Variants in CDC25A observed in about 807,000 individuals in gnomAD.
The protein encoded by CDC25A is cell division cycle 25A, also known as M-phase inducer phosphatase 1.
CDC25A carries 17 observed loss-of-function variants against 64.6 expected under a neutral mutation model. The observed-to-expected ratio is 0.26, with a 90% CI of 0.18 to 0.39. The LOEUF is 0.39. CDC25A is among the 10% of genes least tolerant of loss of function. The pLI is 1.00. For missense variants in CDC25A, 473 were observed against 654.8 expected (o/e 0.72, Z 3.03); for synonymous variants, 229 against 238.6 (o/e 0.96, Z 0.37).
In CDC25A at chr3:48,188,121, G is replaced by A. The variant is rs1446293165; in HGVS notation, c.-174C>T. 10 of 449,196 alleles carry A rather than the reference G, an allele frequency of 2.2e-5. No homozygotes were observed. The highest frequency in any genetic ancestry group is 1.0e-4 in the African/African-American group (5 of 48,428). 27.8% of individuals were successfully genotyped at this position (449,196 alleles called of 1,614,324 possible). A position where few individuals can be genotyped will look rare whatever the true frequency, so the allele number is the denominator to read the frequency against. ...CCGCGGGCAAGCGGCGCGGCCGGGC[G>A]GGTGTGCGGACCCTCCAGGCGCCAG... On this transcript the variant is annotated 5_prime_UTR_variant, in exon 1 of 15. Coordinates refer to ENST00000302506, the MANE Select transcript of CDC25A (RefSeq NM_001789.3).
intron 13 of CDC25A, among the ~76,000 whole-genome samples, chr3:48,160,164 T>A (rs1180055099): frequency 6.6e-6 from 1 of 152,114 alleles, no homozygotes; most frequent in Non-Finnish European, 1.5e-5. Flanking sequence ...CAGGCTGGAG[T>A]GCAAGGGCGT....
chr3:48,180,586 A>C (rs1302900516), intron 6 of CDC25A, 135 bp downstream of exon 6: 2 of 882,118 alleles, frequency 2.3e-6, no homozygotes, highest in East Asian at 4.9e-5. Flanking sequence ...AGAATGCTTG[A>C]CAGTCTAATT....
rs2032722450 is a variant in CDC25A at position 48,183,033 on chromosome 3, A to T, written c.328-3T>A. The stretch of plus-strand genomic sequence containing the variant: ...GGACTACATCCCAACAGCTTCTGCT[A>T]TCAAAGTAAAAAAGGAAAATAATTA... On this transcript the variant is annotated splice_polypyrimidine_tract_variant and splice_region_variant and intron_variant, in intron 4 of 14. Coordinates refer to ENST00000302506, the MANE Select transcript of CDC25A (RefSeq NM_001789.3). 2 of 1,597,892 alleles carry T rather than the reference A, an allele frequency of 1.3e-6. No homozygotes were observed. Among genetic ancestry groups the T allele is most frequent in the Non-Finnish European group, 1.7e-6 (2 of 1,165,460 alleles).
intron 12 of CDC25A, 35 bp from the exon 13 acceptor site, chr3:48,164,472 G>C: frequency 2.7e-6 from 4 of 1,460,764 alleles, no homozygotes; most frequent in East Asian, 2.6e-5. Flanking sequence ...GAACCTGCAC[G>C]TTTCACACAT....
chr3:48,179,250 C>A (rs940130293), intron 6 of CDC25A, among the ~76,000 whole-genome samples: 1 of 152,114 alleles, frequency 6.6e-6, no homozygotes, highest in African/African-American at 2.4e-5. Flanking sequence ...TATATCACAC[C>A]AACATTTGTG....
intron 8 of CDC25A, among the ~76,000 whole-genome samples, chr3:48,176,654 AAAAC>A (rs1432619134): frequency 1.1e-4 from 16 of 151,158 alleles, no homozygotes; most frequent in Non-Finnish European, 1.6e-4. Context: ...AAAACAAAAC[AAAAC>A]AAACAAACAA....
rs2032902292 is a variant in CDC25A, at chr3:48,187,819, G to A, written c.129C>T (p.Thr43=). ...GCTGGTCCATAGTGACGGTCAGGTT[G>A]GTGACAGGCGACAGTCCCCCGGCGG... is the stretch of plus-strand genomic sequence containing the variant. ...ASAAGGLSPV[T]NLTVTMDQLQ... is the part of the protein sequence containing the mutation. Residue 43 remains threonine (T), a synonymous_variant, in exon 1 of 15, where the codon ACC becomes ACT. Coordinates refer to ENST00000302506, the MANE Select transcript of CDC25A (RefSeq NM_001789.3). 4 of 1,548,762 alleles carry A rather than the reference G, an allele frequency of 2.6e-6. No individual in the cohort carries two copies. Among genetic ancestry groups the A allele is most frequent in the Non-Finnish European group, 3.5e-6 (4 of 1,145,718 alleles).
chr3:48,162,786 TGCAGTAAGTC>T (rs2031832886), intron 13 of CDC25A, among the ~76,000 whole-genome samples: 1 of 150,852 alleles, frequency 6.6e-6, no homozygotes, highest in Admixed American at 6.6e-5. Flanking sequence ...AGGCGGAGCT[TGCAGTAAGTC>T]GAGATTGTGC....
intron 6 of CDC25A, among the ~76,000 whole-genome samples, chr3:48,178,325 G>C (rs956869353): frequency 1.3e-5 from 2 of 152,308 alleles, no homozygotes; most frequent in South Asian, 4.1e-4. Context: ...GACTGTGACA[G>C]TATGAGAATC....
chr3:48,180,917 G>A, intron 5 of CDC25A, 77 bp from the exon 6 acceptor site: 1 of 1,432,318 alleles, frequency 7.0e-7, no homozygotes, highest in Non-Finnish European at 9.7e-7. Flanking sequence ...AGGCAAGAAA[G>A]TGGGCACTGA....
intron 9 of CDC25A, among the ~76,000 whole-genome samples, chr3:48,172,675 G>A (rs543214933): frequency 1.3e-5 from 2 of 152,174 alleles, no homozygotes; most frequent in African/African-American, 4.8e-5. Flanking sequence ...ACCAGCCTGC[G>A]CAACATGGCG....
In CDC25A at chr3:48,187,834, T is replaced by G; in HGVS notation, c.114A>C (p.Gly38=). The G allele has an allele frequency of 1.3e-6, 2 of 1,548,468 alleles. No homozygotes were observed. Among genetic ancestry groups the G allele is most frequent in the African/African-American group, 2.8e-5 (2 of 72,542 alleles). ...CGGTCAGGTTGGTGACAGGCGACAG[T>G]CCCCCGGCGGCTGAAGCGCCAAATA... ...KALFGASAAG[G]LSPVTNLTVT... Residue 38 remains glycine, a synonymous_variant, in exon 1 of 15, where the codon GGA becomes GGC. Transcript: ENST00000302506.
chr3:48,176,864 G>C (rs1012674872), intron 8 of CDC25A, among the ~76,000 whole-genome samples: 1 of 151,518 alleles, frequency 6.6e-6, no homozygotes, highest in South Asian at 2.1e-4. Flanking sequence ...CCAGCTACTC[G>C]GGAGGCTGAG....
chr3:48,167,766 G>C (rs1463154496), intron 10 of CDC25A, 80 bp downstream of exon 10: 1 of 796,016 alleles, frequency 1.3e-6, no homozygotes, highest in Non-Finnish European at 2.2e-6. Flanking sequence ...AACCACCCTG[G>C]GGAGGGAGAC....
intron 13 of CDC25A, among the ~76,000 whole-genome samples, chr3:48,160,010 T>G (rs563766991): frequency 6.6e-6 from 1 of 152,246 alleles, no homozygotes; most frequent in Non-Finnish European, 1.5e-5. Flanking sequence ...TACAGGCCCC[T>G]ACTGCTGCTC....
intron 9 of CDC25A, among the ~76,000 whole-genome samples, chr3:48,171,320 G>A (rs1387888434): frequency 4.6e-5 from 7 of 151,556 alleles, no homozygotes; most frequent in Admixed American, 4.6e-4. Flanking sequence ...GTTGCCGTGA[G>A]CCAAGATCCT....
intron 6 of CDC25A, among the ~76,000 whole-genome samples, chr3:48,179,175 A>AT (rs2032572495): frequency 6.6e-6 from 1 of 152,052 alleles, no homozygotes; most frequent in African/African-American, 2.4e-5. Context: ...GAAATGGCAA[A>AT]TTTTTTTAGC....
At chr3:48,167,744 A>T (rs1186526194) in intron 10 of CDC25A, 102 bp downstream of exon 10, 7 of 695,472 alleles carry the variant, frequency 1.0e-5, no homozygotes, top group Non-Finnish European at 1.9e-5. Context: ...GTCCTTTTGG[A>T]GGTATGCCAG....
intron 12 of CDC25A, among the ~76,000 whole-genome samples, chr3:48,164,917 G>A (rs1288795533): frequency 2.0e-5 from 3 of 150,976 alleles, no homozygotes; most frequent in Non-Finnish European, 4.4e-5. Flanking sequence ...AGACCAGCCC[G>A]GGCAACATGG....
Sources: allele counts gnomAD v4.1 joint callset (sites outside exome capture counted in the v4.1 genomes callset), GRCh38; gene constraint gnomAD v4.1.1; transcripts MANE v1.5; gene names NCBI Gene and HGNC (gene_info 2026-07-23, HGNC 2026-07-21).